The following FMO1 variants were observed in gnomAD, a reference collection of about 807,000 sequenced individuals.
FMO1 encodes the protein flavin-containing monooxygenase 1.
A neutral mutation model predicts 45.4 loss-of-function variants in FMO1; 36 were observed. That is an observed-to-expected ratio of 0.79 (90% CI 0.61 to 1.05). FMO1 has a LOEUF of 1.05. Among genes scored for constraint, FMO1 ranks in the 50% least tolerant of loss-of-function variants. The pLI, the probability that FMO1 is intolerant of heterozygous loss-of-function variation, is 0.00. For missense variants in FMO1, 615 were observed against 640.3 expected (o/e 0.96, Z 0.43); for synonymous variants, 228 against 227.2 (o/e 1.00, Z -0.03).
At chr1:171,264,581 A>G (rs1188799403) in intron 2 of FMO1, among the ~76,000 whole-genome samples, 1 of 151,998 alleles carries the variant, frequency 6.6e-6, no homozygotes, top group Non-Finnish European at 1.5e-5. Context: ...GCGTCTGCAT[A>G]GGAGCTTCTT....
At chr1:171,271,802 G>C (rs1571347927) in intron 3 of FMO1, among the ~76,000 whole-genome samples, 1 of 152,166 alleles carries the variant, frequency 6.6e-6, no homozygotes, top group Non-Finnish European at 1.5e-5. Flanking sequence ...AGGTGACTTG[G>C]GTGCTGTTAA....
intron 2 of FMO1, among the ~76,000 whole-genome samples, chr1:171,263,946 A>G (rs183336073): frequency 2.0e-5 from 3 of 152,258 alleles, no homozygotes; most frequent in African/African-American, 7.2e-5. Flanking sequence ...TATATATGCT[A>G]AATACTCCAG....
At chr1:171,255,818 T>C (rs1043035020) in intron 1 of FMO1, among the ~76,000 whole-genome samples, 2 of 152,202 alleles carry the variant, frequency 1.3e-5, no homozygotes, top group Non-Finnish European at 1.5e-5. Flanking sequence ...GGCACTAATG[T>C]CATGCTATGG....
intron 1 of FMO1, among the ~76,000 whole-genome samples, chr1:171,254,203 C>T (rs1660042957): frequency 6.6e-6 from 1 of 152,116 alleles, no homozygotes; most frequent in Non-Finnish European, 1.5e-5. Flanking sequence ...ATTCCCCTGC[C>T]TCAGCCTCCC....
intron 2 of FMO1, among the ~76,000 whole-genome samples, chr1:171,264,326 A>G (rs931452096): frequency 4.0e-5 from 6 of 148,326 alleles, no homozygotes; most frequent in Non-Finnish European, 8.9e-5. Flanking sequence ...GTGTGTGTGT[A>G]TATATATATA....
Position 171,260,444 on chromosome 1 carries a change from G to A in FMO1, c.132+2225G>A, listed in dbSNP as rs150703329. ...GTGGAAGGGTTAGCCCTGGCAAGGT[G>A]GGGAGACAAGAGATACACCCTCCCC... On this transcript the variant is annotated intron_variant, in intron 2 of 8. Coordinates refer to ENST00000617670, the MANE Select transcript of FMO1 (RefSeq NM_001282693.2). Among the ~76,000 whole-genome samples the A allele has an allele frequency of 5.9e-3, 893 of 152,194 alleles. 4 individuals are homozygous for A. Among genetic ancestry groups the A allele is most frequent in the Non-Finnish European group, 8.1e-3 (553 of 68,012 alleles).
intron 8 of FMO1, among the ~76,000 whole-genome samples, chr1:171,284,306 A>C (rs1661526775): frequency 6.6e-6 from 1 of 152,188 alleles, no homozygotes; most frequent in Admixed American, 6.5e-5. Flanking sequence ...AAATTCCAAA[A>C]CAATAATAGC....
chr1:171,250,746 G>T (rs896297490), intron 1 of FMO1, among the ~76,000 whole-genome samples: 2 of 151,700 alleles, frequency 1.3e-5, no homozygotes, highest in Non-Finnish European at 2.9e-5. Context: ...TCACCCATTG[G>T]CATCTACCTT....
intron 2 of FMO1, among the ~76,000 whole-genome samples, chr1:171,258,608 A>G (rs1024034309): frequency 5.3e-5 from 8 of 152,304 alleles, no homozygotes; most frequent in Middle Eastern, 3.4e-3. Context: ...TGCCTGCAAG[A>G]CTGAGCTGCT....
At chr1:171,257,618 C>T (rs1444917557) in intron 1 of FMO1, 1 of 187,766 alleles carries the variant, frequency 5.3e-6, no homozygotes, top group Admixed American at 5.3e-5. Context: ...AACTCCACCC[C>T]ACCAGCTGCT....
intron 2 of FMO1, among the ~76,000 whole-genome samples, chr1:171,259,675 C>T (rs1660301114): frequency 2.6e-5 from 4 of 152,176 alleles, no homozygotes; most frequent in Non-Finnish European, 5.9e-5. Context: ...AGATCAAAAG[C>T]AGTACTTAGC....
chr1:171,281,914 G>C, intron 6 of FMO1, 64 bp from the exon 7 acceptor site: 1 of 926,122 alleles, frequency 1.1e-6, no homozygotes, highest in Non-Finnish European at 1.6e-6. Context: ...GGGAGGTAAA[G>C]AGAAGGGAGA....
chr1:171,264,386 G>T (rs930145266), intron 2 of FMO1, among the ~76,000 whole-genome samples: 2 of 149,292 alleles, frequency 1.3e-5, no homozygotes, highest in South Asian at 2.1e-4. Flanking sequence ...TTTATATATA[G>T]AGAGAAAAAT....
rs369102501 is a variant in FMO1, at chr1:171,274,136, G to A, written c.322-1210G>A. 7.9e-4 allele frequency among the ~76,000 whole-genome samples: 110 copies of A among 138,728 alleles called. 1 individual carries two copies. Among genetic ancestry groups the A allele is most frequent in the African/African-American group, 2.7e-3 (95 of 35,818 alleles). The allele number at this position is 138,728 out of a possible 152,430, so 91.0% of individuals were successfully genotyped here. ...TGCACTCCAGCCTGGGCAACAGAGC[G>A]AGACTCCATCTCAAAAAAAAAAAAA... On this transcript the variant is annotated intron_variant, in intron 3 of 8. Coordinates refer to ENST00000617670, the MANE Select transcript of FMO1 (RefSeq NM_001282693.2).
At chr1:171,283,681 A>C (rs926516541) in intron 8 of FMO1, among the ~76,000 whole-genome samples, 4 of 152,254 alleles carry the variant, frequency 2.6e-5, no homozygotes, top group East Asian at 1.9e-4. Flanking sequence ...TTTGCTCTTC[A>C]TTTATAATTG....
At chr1:171,285,174 CT>C (rs1571367961) in intron 8 of FMO1, 27 bp from the exon 9 acceptor site, 5 of 1,454,630 alleles carry the variant, frequency 3.4e-6, no homozygotes, top group Non-Finnish European at 3.7e-6. Context: ...TTGTCTTCAC[CT>C]TTTCCCCCAA....
intron 8 of FMO1, 149 bp downstream of exon 8, chr1:171,283,365 C>A: frequency 2.0e-6 from 1 of 498,138 alleles, no homozygotes; most frequent in Admixed American, 4.3e-5. Flanking sequence ...AAAGAAGCAT[C>A]TGAGACTTAC....
intron 1 of FMO1, among the ~76,000 whole-genome samples, chr1:171,256,746 G>C (rs1172203862): frequency 2.0e-5 from 3 of 151,888 alleles, no homozygotes; most frequent in African/African-American, 7.3e-5. Flanking sequence ...CTTCTCTCAG[G>C]TTCCTAATCC....
chr1:171,252,269 G>T (rs970459866), intron 1 of FMO1, among the ~76,000 whole-genome samples: 11 of 152,068 alleles, frequency 7.2e-5, no homozygotes, highest in African/African-American at 2.7e-4. Context: ...CCCATGAATG[G>T]TTAATATATA....
Sources: allele counts gnomAD v4.1 joint callset (sites outside exome capture counted in the v4.1 genomes callset), GRCh38; gene constraint gnomAD v4.1.1; transcripts MANE v1.5; gene names NCBI Gene and HGNC (gene_info 2026-07-23, HGNC 2026-07-21).